KCNAB1: variants seen among roughly 807,000 people sequenced by gnomAD.
KCNAB1 encodes potassium voltage-gated channel subfamily A regulatory beta subunit 1, also known as voltage-gated potassium channel subunit beta-1.
KCNAB1 carries 35 observed loss-of-function variants against 64.6 expected under a neutral mutation model. The ratio of observed to expected loss-of-function variants is 0.54; its 90% CI spans 0.41 to 0.72. KCNAB1 has a LOEUF of 0.72. Ranked by LOEUF, KCNAB1 falls within the 30% of genes least tolerant of loss-of-function variation. The pLI, the probability that KCNAB1 is intolerant of heterozygous loss-of-function variation, is 0.00. For missense variants in KCNAB1, 401 were observed against 512.9 expected, an observed-to-expected ratio of 0.78 and a Z score of 2.11; for synonymous variants, 177 against 183.8, an observed-to-expected ratio of 0.96 and a Z score of 0.30.
At chr3:156,125,619 A>G (rs1284953060) in intron 1 of KCNAB1, among the ~76,000 whole-genome samples, 5 of 152,172 alleles carry the variant, frequency 3.3e-5, no homozygotes, top group Admixed American at 3.3e-4. Context: ...GACCACCTTA[A>G]TGAATGTTTC....
chr3:156,428,736 T>C (rs1716007710), intron 2 of KCNAB1, among the ~76,000 whole-genome samples: 2 of 152,120 alleles, frequency 1.3e-5, no homozygotes, highest in South Asian at 2.1e-4. Flanking sequence ...TAATGTAAAA[T>C]ACCGTCATCC....
At chr3:156,282,684 C>G (rs1468691736) in intron 1 of KCNAB1, among the ~76,000 whole-genome samples, 1 of 135,818 alleles carries the variant, frequency 7.4e-6, no homozygotes, top group Non-Finnish European at 1.6e-5. Flanking sequence ...GGATAGTTAG[C>G]TCTTCTTGTT....
At chr3:156,406,930 G>T (rs532562426) in intron 1 of KCNAB1, among the ~76,000 whole-genome samples, 1 of 152,270 alleles carries the variant, frequency 6.6e-6, no homozygotes, top group South Asian at 2.1e-4. Flanking sequence ...TCACCAGTAT[G>T]GGAGTGTGAC....
intron 1 of KCNAB1, among the ~76,000 whole-genome samples, chr3:156,295,226 G>A (rs1489118727): frequency 6.6e-6 from 1 of 152,064 alleles, no homozygotes; most frequent in Non-Finnish European, 1.5e-5. Flanking sequence ...ATTAATGATT[G>A]CATCTTGGGG....
At chr3:156,458,430 G>C (rs1180324894) in intron 4 of KCNAB1, among the ~76,000 whole-genome samples, 1 of 152,192 alleles carries the variant, frequency 6.6e-6, no homozygotes, top group Admixed American at 6.5e-5. Flanking sequence ...TTTTCTAACT[G>C]AACTGTGAGG....
chr3:156,283,712 C>G (rs559422980), intron 1 of KCNAB1, among the ~76,000 whole-genome samples: 1 of 151,914 alleles, frequency 6.6e-6, no homozygotes, highest in African/African-American at 2.4e-5. Context: ...TCATTTCATT[C>G]ATTTCATCTT....
At chr3:156,406,338 A>G (rs1195455422) in intron 1 of KCNAB1, among the ~76,000 whole-genome samples, 1 of 152,136 alleles carries the variant, frequency 6.6e-6, no homozygotes, top group African/African-American at 2.4e-5. Context: ...ATGGCCTGGC[A>G]TCACACTAGG....
chr3:156,190,429 GA>G lies in KCNAB1; in HGVS notation c.275+69552del, dbSNP rs1210008323. Among the ~76,000 whole-genome samples, 8 of 150,020 alleles carry G rather than the reference GA, an allele frequency of 5.3e-5. No homozygotes were observed. The South Asian group carries it at 1.1e-3, about 20-fold the overall frequency. On this transcript the variant is annotated intron_variant, in intron 1 of 13. Coordinates refer to ENST00000490337, the MANE Select transcript of KCNAB1 (RefSeq NM_172160.3). Reference sequence around the variant, plus strand: ...AGAGACATAAGAAGCATCAAAAGTAGAAAAAAAAAGAATCAGTGTAGACCAT... The same window carrying G: ...AGAGACATAAGAAGCATCAAAAGTAGAAAAAAAAGAATCAGTGTAGACCAT...
intron 1 of KCNAB1, among the ~76,000 whole-genome samples, chr3:156,338,682 G>A (rs1246691836): frequency 1.3e-5 from 2 of 152,286 alleles, no homozygotes; most frequent in South Asian, 4.1e-4. Flanking sequence ...AAGTTTAAGG[G>A]AGAGAAAACA....
At chr3:156,479,951 G>A (rs773726281) in intron 8 of KCNAB1, among the ~76,000 whole-genome samples, 10 of 152,092 alleles carry the variant, frequency 6.6e-5, no homozygotes, top group Non-Finnish European at 1.3e-4. Context: ...TCATGTGAAA[G>A]CAGGCATCTA....
intron 1 of KCNAB1, among the ~76,000 whole-genome samples, chr3:156,174,826 G>C (rs1289946913): frequency 6.6e-6 from 1 of 152,156 alleles, no homozygotes; most frequent in South Asian, 2.1e-4. Flanking sequence ...ACTGGGCTTG[G>C]GCTGCCAATG....
At chr3:156,194,739 G>A (rs572757985) in intron 1 of KCNAB1, among the ~76,000 whole-genome samples, 10 of 152,042 alleles carry the variant, frequency 6.6e-5, no homozygotes, top group Middle Eastern at 3.4e-3. Context: ...CCAACACCTC[G>A]CTTATGCTCT....
intron 1 of KCNAB1, among the ~76,000 whole-genome samples, chr3:156,205,649 G>T (rs139738079): frequency 1.1e-4 from 16 of 152,116 alleles, no homozygotes; most frequent in Non-Finnish European, 1.9e-4. Context: ...TAAACTACCC[G>T]CTCCTTCCTC....
chr3:156,292,274 G>C, intron 1 of KCNAB1: 1 of 891,042 alleles, frequency 1.1e-6, no homozygotes, highest in Non-Finnish European at 1.7e-6. Context: ...AGCTCTTTAG[G>C]GGGATGAATA....
intron 2 of KCNAB1, among the ~76,000 whole-genome samples, chr3:156,426,407 C>A (rs1432570984): frequency 6.6e-6 from 1 of 152,210 alleles, no homozygotes; most frequent in Non-Finnish European, 1.5e-5. Flanking sequence ...ACATGCATAA[C>A]CTCCCTCGTT....
At chr3:156,206,204 T>A (rs891289358) in intron 1 of KCNAB1, among the ~76,000 whole-genome samples, 1 of 152,194 alleles carries the variant, frequency 6.6e-6, no homozygotes. Flanking sequence ...GGGATCTGTC[T>A]CTCCTCCATT....
chr3:156,128,935 G>T (rs908224463), intron 1 of KCNAB1, among the ~76,000 whole-genome samples: 2 of 152,168 alleles, frequency 1.3e-5, no homozygotes, highest in Non-Finnish European at 2.9e-5. Context: ...AAGTAGTGGT[G>T]GAATTGAGAT....
chr3:156,429,779 G>A (rs1290392908), intron 2 of KCNAB1, among the ~76,000 whole-genome samples: 2 of 152,152 alleles, frequency 1.3e-5, no homozygotes, highest in African/African-American at 4.8e-5. Flanking sequence ...AGTGCCTCCT[G>A]GGACACTTGA....
intron 2 of KCNAB1, among the ~76,000 whole-genome samples, chr3:156,450,848 A>T (rs73873379): frequency 0.15 from 23,063 of 149,044 alleles, 3,110 homozygotes; most frequent in African/African-American, 0.38. Context: ...GTCTGGATAC[A>T]CTTCCCATCC....
Sources: allele counts gnomAD v4.1 joint callset (sites outside exome capture counted in the v4.1 genomes callset), GRCh38; gene constraint gnomAD v4.1.1; transcripts MANE v1.5; gene names NCBI Gene and HGNC (gene_info 2026-07-23, HGNC 2026-07-21).